CNTN6: variants seen among roughly 807,000 people sequenced by gnomAD.
The protein encoded by CNTN6 is contactin-6.
A neutral mutation model predicts 122.8 loss-of-function variants in CNTN6; 137 were observed. The ratio of observed to expected loss-of-function variants is 1.12; its 90% CI spans 0.97 to 1.29. The LOEUF is 1.29. Ranked by LOEUF, CNTN6 falls within the 50% of genes most tolerant of loss-of-function variation. The pLI, the probability that CNTN6 is intolerant of heterozygous loss-of-function variation, is 0.00. For missense variants in CNTN6, 1,634 were observed against 1,223.4 expected (o/e 1.34, Z -5.01); for synonymous variants, 570 against 426.0 (o/e 1.34, Z -4.16).
At chr3:1,381,336 C>A in intron 17 of CNTN6, among the ~76,000 whole-genome samples, 1 of 151,776 alleles carries the variant, frequency 6.6e-6, no homozygotes, top group South Asian at 2.1e-4. Flanking sequence ...TTGTTGTTTC[C>A]CCAGATGTCC....
chr3:1,258,413 T>A (rs533942601), intron 4 of CNTN6, among the ~76,000 whole-genome samples: 1 of 152,112 alleles, frequency 6.6e-6, no homozygotes, highest in Non-Finnish European at 1.5e-5. Context: ...TAAAATAAGA[T>A]TTCATTGAAC....
intron 16 of CNTN6, among the ~76,000 whole-genome samples, chr3:1,375,691 T>C (rs1234324353): frequency 6.6e-6 from 1 of 152,088 alleles, no homozygotes; most frequent in East Asian, 1.9e-4. Flanking sequence ...TCGCTTTTGA[T>C]CAAAGGCATT....
At chr3:1,102,467 C>G (rs376296389) in intron 1 of CNTN6, among the ~76,000 whole-genome samples, 1 of 151,862 alleles carries the variant, frequency 6.6e-6, no homozygotes, top group Non-Finnish European at 1.5e-5. Flanking sequence ...GCGGTGGCTC[C>G]CGCCTGTAAT....
intron 9 of CNTN6, among the ~76,000 whole-genome samples, chr3:1,326,215 C>T (rs1293482298): frequency 6.6e-6 from 1 of 151,848 alleles, no homozygotes; most frequent in African/African-American, 2.4e-5. Flanking sequence ...TAAATATCAT[C>T]ATCATCATCA....
At chr3:1,402,650 A>G (rs1311764137) in intron 22 of CNTN6, 164 bp downstream of exon 22, 8 of 546,756 alleles carry the variant, frequency 1.5e-5, no homozygotes, top group Non-Finnish European at 2.6e-5. Context: ...TTATTCTCCA[A>G]AATTATAACA....
At chr3:1,283,497 C>G (rs1268605048) in intron 5 of CNTN6, among the ~76,000 whole-genome samples, 1 of 152,004 alleles carries the variant, frequency 6.6e-6, no homozygotes, top group African/African-American at 2.4e-5. Flanking sequence ...CCCTTGAAAC[C>G]AAAACTGAAG....
rs370576814 is a variant in CNTN6 at position 1,383,004 on chromosome 3, G to T, written c.2229G>T (p.Val743=). Residue 743 remains valine (V), a synonymous_variant, in exon 18 of 23, where the codon GTG becomes GTT. Transcript: ENST00000446702. ...GFGYIIMFRP[V]GSTTWSKEKV... ...GATATATCATCATGTTCCGGCCAGT[G>T]GGCTCGACAACCTGGTCCAAGGAGA... The T allele has an allele frequency of 1.2e-6, 2 of 1,613,982 alleles. No individual in the cohort carries two copies. The highest frequency in any genetic ancestry group is 1.1e-5 in the South Asian group (1 of 91,088).
intron 4 of CNTN6, among the ~76,000 whole-genome samples, chr3:1,242,946 T>C (rs1324090679): frequency 1.3e-5 from 2 of 152,172 alleles, no homozygotes; most frequent in Middle Eastern, 3.4e-3. Context: ...GAAGGTAATG[T>C]GGAGTGGGTA....
At chr3:1,303,218 G>GATA (rs3884451) in intron 7 of CNTN6, among the ~76,000 whole-genome samples, 107,111 of 151,656 alleles carry the variant, frequency 0.71, 39,023 homozygotes, top group East Asian at 1. Context: ...ATTACAGTCT[G>GATA]ATAACTGTTC....
At chr3:1,191,222 G>A (rs1280519968) in intron 2 of CNTN6, among the ~76,000 whole-genome samples, 2 of 151,990 alleles carry the variant, frequency 1.3e-5, no homozygotes, top group African/African-American at 4.8e-5. Context: ...GGAATTTCCT[G>A]GATCATAGGA....
chr3:1,258,783 C>T (rs1012185404), intron 4 of CNTN6, among the ~76,000 whole-genome samples: 13 of 152,156 alleles, frequency 8.5e-5, no homozygotes, highest in African/African-American at 3.1e-4. Flanking sequence ...CTACCTTTTT[C>T]TTAGAGTGCT....
At chr3:1,225,726 A>G (rs1389300208) in intron 3 of CNTN6, among the ~76,000 whole-genome samples, 2 of 141,748 alleles carry the variant, frequency 1.4e-5, no homozygotes, top group African/African-American at 2.6e-5. Flanking sequence ...CTTTTTTCTT[A>G]CCCTAATATT....
At chr3:1,182,576 A>T in intron 2 of CNTN6, among the ~76,000 whole-genome samples, 1 of 123,818 alleles carries the variant, frequency 8.1e-6, no homozygotes, top group Non-Finnish European at 1.7e-5. Flanking sequence ...AAAGGCAATC[A>T]TTTGCCCACA....
At chr3:1,378,156 T>G (rs996069961) in intron 17 of CNTN6, among the ~76,000 whole-genome samples, 2 of 152,064 alleles carry the variant, frequency 1.3e-5, no homozygotes, top group African/African-American at 4.8e-5. Flanking sequence ...TTGCATGGGT[T>G]TCACATTTGT....
intron 5 of CNTN6, among the ~76,000 whole-genome samples, chr3:1,292,500 G>T (rs1385101746): frequency 6.6e-6 from 1 of 152,078 alleles, no homozygotes; most frequent in Non-Finnish European, 1.5e-5. Flanking sequence ...ATGATACCTG[G>T]CTCAGATAGA....
At chr3:1,320,944 A>T (rs532079750) in intron 7 of CNTN6, among the ~76,000 whole-genome samples, 27 of 151,846 alleles carry the variant, frequency 1.8e-4, no homozygotes, top group African/African-American at 6.3e-4. Context: ...AAGTAACTTT[A>T]TTTACAAGTT....
At chr3:1,109,777 A>C (rs2091394193) in intron 1 of CNTN6, among the ~76,000 whole-genome samples, 1 of 152,068 alleles carries the variant, frequency 6.6e-6, no homozygotes, top group Non-Finnish European at 1.5e-5. Flanking sequence ...ACTTCTATTT[A>C]TATACACACT....
intron 12 of CNTN6, among the ~76,000 whole-genome samples, chr3:1,358,730 A>T (rs1204120023): frequency 6.6e-6 from 1 of 151,996 alleles, no homozygotes; most frequent in Non-Finnish European, 1.5e-5. Context: ...TATCATTTGT[A>T]TTAACACCTA....
intron 12 of CNTN6, among the ~76,000 whole-genome samples, chr3:1,364,109 A>G (rs531582439): frequency 7.9e-5 from 12 of 152,092 alleles, no homozygotes; most frequent in Admixed American, 5.9e-4. Flanking sequence ...AAAACCATGT[A>G]TATAGAGGAA....
Sources: allele counts gnomAD v4.1 joint callset (sites outside exome capture counted in the v4.1 genomes callset), GRCh38; gene constraint gnomAD v4.1.1; transcripts MANE v1.5; gene names NCBI Gene and HGNC (gene_info 2026-07-23, HGNC 2026-07-21).